The following FANCC variants were observed in gnomAD, a reference collection of about 807,000 sequenced individuals.
FANCC encodes the protein Fanconi anemia group C protein.
FANCC carries 55 observed loss-of-function variants against 71.3 expected under a neutral mutation model. The ratio of observed to expected loss-of-function variants is 0.77; its 90% CI spans 0.62 to 0.97. FANCC has a LOEUF of 0.97. Ranked by LOEUF, FANCC falls within the 50% of genes least tolerant of loss-of-function variation. The pLI, the probability that FANCC is intolerant of heterozygous loss-of-function variation, is 0.00. For missense variants in FANCC, 678 were observed against 670.9 expected (o/e 1.01, Z -0.12); for synonymous variants, 275 against 244.9 (o/e 1.12, Z -1.15).
At chr9:95,154,468 T>C (rs555266088) in intron 6 of FANCC, among the ~76,000 whole-genome samples, 1 of 152,216 alleles carries the variant, frequency 6.6e-6, no homozygotes, top group East Asian at 1.9e-4. Context: ...TGTACAGAAA[T>C]GAATAAATGA....
intron 1 of FANCC, chr9:95,293,091 T>C: frequency 6.2e-7 from 1 of 1,612,306 alleles, no homozygotes; most frequent in Non-Finnish European, 8.5e-7. Context: ...AACCAATCCC[T>C]AGACCAGACA....
chr9:95,261,003 G>A (rs1462573141), intron 1 of FANCC, among the ~76,000 whole-genome samples: 2 of 152,102 alleles, frequency 1.3e-5, no homozygotes, highest in African/African-American at 4.8e-5. Flanking sequence ...CTCTAAGGAG[G>A]GGAAAATCCA....
At chr9:95,103,755 G>A (rs1320623968) in intron 14 of FANCC, among the ~76,000 whole-genome samples, 1 of 152,240 alleles carries the variant, frequency 6.6e-6, no homozygotes, top group African/African-American at 2.4e-5. Flanking sequence ...CAGGTGCCTG[G>A]AGAAGAGCCC....
At chr9:95,221,899 T>C (rs1375629406) in intron 4 of FANCC, among the ~76,000 whole-genome samples, 1 of 152,146 alleles carries the variant, frequency 6.6e-6, no homozygotes, top group African/African-American at 2.4e-5. Context: ...GGAACTCTCA[T>C]AGGTTGGTGG....
At chr9:95,292,459 G>C in intron 1 of FANCC, 1 of 1,274,878 alleles carries the variant, frequency 7.8e-7, no homozygotes, top group East Asian at 3.4e-5. Flanking sequence ...GTGCCCCCGG[G>C]ACCCCGACTG....
chr9:95,143,916 AG>A (rs1327849828), intron 7 of FANCC, among the ~76,000 whole-genome samples: 1 of 152,210 alleles, frequency 6.6e-6, no homozygotes, highest in East Asian at 1.9e-4. Context: ...AACCATAAAG[AG>A]GGGCAAGCAT....
At chr9:95,299,426 A>G (rs958239346) in intron 1 of FANCC, among the ~76,000 whole-genome samples, 1 of 152,256 alleles carries the variant, frequency 6.6e-6, no homozygotes, top group Non-Finnish European at 1.5e-5. Flanking sequence ...AAAAGGTTCC[A>G]AATTCAGTAC....
intron 4 of FANCC, among the ~76,000 whole-genome samples, chr9:95,217,006 C>T (rs747748622): frequency 6.6e-6 from 1 of 152,158 alleles, no homozygotes; most frequent in Non-Finnish European, 1.5e-5. Context: ...ATATTCCACC[C>T]AACATTATTT....
At chr9:95,224,564 C>G (rs745875316) in intron 4 of FANCC, among the ~76,000 whole-genome samples, 15 of 151,938 alleles carry the variant, frequency 9.9e-5, no homozygotes, top group Non-Finnish European at 1.6e-4. Context: ...CAACAGATCT[C>G]CTGAAATTTT....
chr9:95,291,334 TAAAAA>T (rs907579809), intron 1 of FANCC, among the ~76,000 whole-genome samples: 2 of 150,718 alleles, frequency 1.3e-5, no homozygotes, highest in African/African-American at 4.9e-5. Flanking sequence ...CAAATTCCAC[TAAAAA>T]AAAACTATTA....
intron 8 of FANCC, 53 bp downstream of exon 8, chr9:95,135,293 A>T: frequency 6.4e-7 from 1 of 1,563,380 alleles, no homozygotes. Context: ...AAAAGAAATG[A>T]TTCCAAGCAT....
intron 1 of FANCC, among the ~76,000 whole-genome samples, chr9:95,269,168 T>C (rs1832579427): frequency 6.6e-6 from 1 of 152,202 alleles, no homozygotes; most frequent in African/African-American, 2.4e-5. Context: ...TGAATGTCTC[T>C]TCCTATCAAG....
At chr9:95,268,583 T>C (rs558908748) in intron 1 of FANCC, among the ~76,000 whole-genome samples, 1 of 152,332 alleles carries the variant, frequency 6.6e-6, no homozygotes, top group South Asian at 2.1e-4. Context: ...CTGAGTTATG[T>C]GGAAAGGAAC....
At chr9:95,140,823 A>C (rs1000296696) in intron 7 of FANCC, among the ~76,000 whole-genome samples, 2 of 152,154 alleles carry the variant, frequency 1.3e-5, no homozygotes, top group Admixed American at 1.3e-4. Context: ...TTCAGACAAA[A>C]GTTGCCATCA....
At chr9:95,236,199 A>G (rs1341971314) in intron 4 of FANCC, among the ~76,000 whole-genome samples, 2 of 151,988 alleles carry the variant, frequency 1.3e-5, no homozygotes, top group Non-Finnish European at 2.9e-5. Flanking sequence ...TAATAGTGGT[A>G]TGGTTTTGCC....
intron 4 of FANCC, among the ~76,000 whole-genome samples, chr9:95,227,301 G>A (rs1307708584): frequency 2.0e-5 from 3 of 152,164 alleles, no homozygotes; most frequent in African/African-American, 7.2e-5. Context: ...GCACCATACT[G>A]GGCCAGGCAG....
At chr9:95,294,039 C>T (rs1204692044) in intron 1 of FANCC, 3 of 1,601,402 alleles carry the variant, frequency 1.9e-6, no homozygotes, top group East Asian at 4.5e-5. Flanking sequence ...CAATTATAAA[C>T]TTCAGTGCAC....
chr9:95,130,760 C>T (rs1826774704), intron 8 of FANCC, among the ~76,000 whole-genome samples: 1 of 152,180 alleles, frequency 6.6e-6, no homozygotes, highest in Admixed American at 6.5e-5. Flanking sequence ...ATATTCACTA[C>T]AAAATACCTT....
chr9:95,249,122 C>T lies in FANCC; in HGVS notation c.165+5G>A. The T allele has an allele frequency of 6.2e-7, 1 of 1,613,728 alleles. No individual in the cohort carries two copies. The highest frequency in any genetic ancestry group is 8.5e-7 in the Non-Finnish European group (1 of 1,179,816). On this transcript the variant is annotated splice_donor_5th_base_variant and intron_variant, in intron 2 of 14. Transcript: ENST00000289081. The stretch of plus-strand genomic sequence containing the variant: ...ATAATTTCATTATTCTGGTCCACTA[C>T]TTACCATCTCTTTCAAGGCTTCATA...
Sources: gnomAD v4.1 joint callset for allele counts (sites outside exome capture counted in the v4.1 genomes callset) on GRCh38, gnomAD v4.1.1 for gene constraint, MANE v1.5 for transcripts, NCBI Gene and HGNC (gene_info 2026-07-23, HGNC 2026-07-21) for gene names.